AMMECR1: variants seen among roughly 807,000 people sequenced by gnomAD.
The protein encoded by AMMECR1 is nuclear protein AMMECR1.
In AMMECR1, 3 loss-of-function variants were observed where a neutral mutation model predicts 22.5. That is an observed-to-expected ratio of 0.13 (90% CI 0.06 to 0.35). AMMECR1 has a LOEUF of 0.35. AMMECR1 is among the 10% of genes least tolerant of loss of function. The pLI, the probability that AMMECR1 is intolerant of heterozygous loss-of-function variation, is 1.00. For synonymous variants in AMMECR1, 130 were observed against 116.7 expected, an observed-to-expected ratio of 1.11 and a Z score of -0.74; for missense variants, 235 against 278.7, an observed-to-expected ratio of 0.84 and a Z score of 1.12.
intron 2 of AMMECR1, among the ~76,000 whole-genome samples, chrX:110,331,117 CTT>C (rs2068119220): frequency 9.2e-6 from 1 of 108,958 alleles, no homozygotes; most frequent in Non-Finnish European, 1.9e-5. Flanking sequence ...CTGATTGTTG[CTT>C]TCTTTCTCAT....
chrX:110,210,433 T>C (rs919335558), intron 3 of AMMECR1, among the ~76,000 whole-genome samples: 8 of 111,291 alleles, frequency 7.2e-5, no homozygotes, highest in South Asian at 3.8e-4. Flanking sequence ...TATATCATAG[T>C]TGGGAAAAAC....
At chrX:110,439,379 C>T (rs1211068750) in intron 1 of AMMECR1, among the ~76,000 whole-genome samples, 7 of 112,239 alleles carry the variant, frequency 6.2e-5, no homozygotes, top group Non-Finnish European at 3.8e-5. Context: ...TTTCTAACTG[C>T]GTTGAGAATT....
intron 2 of AMMECR1, among the ~76,000 whole-genome samples, chrX:110,408,575 C>G (rs1450141060): frequency 8.9e-6 from 1 of 112,232 alleles, no homozygotes; most frequent in Non-Finnish European, 1.9e-5. Context: ...TGCCCCGACC[C>G]CACAGTTTTA....
At chrX:110,370,048 C>T (rs1052661391) in intron 2 of AMMECR1, among the ~76,000 whole-genome samples, 1 of 111,056 alleles carries the variant, frequency 9.0e-6, no homozygotes, top group Admixed American at 9.6e-5. Flanking sequence ...AATCTGCCTT[C>T]CTGAAACACC....
At chrX:110,437,362 C>T (rs2068846461) in intron 1 of AMMECR1, among the ~76,000 whole-genome samples, 1 of 112,262 alleles carries the variant, frequency 8.9e-6, no homozygotes, top group Non-Finnish European at 1.9e-5. Context: ...CTGTACTGGG[C>T]TGTACATGCA....
chrX:110,405,092 C>T (rs771737327), intron 2 of AMMECR1, among the ~76,000 whole-genome samples: 3 of 90,644 alleles, frequency 3.3e-5, no homozygotes, highest in African/African-American at 1.4e-4. Context: ...GTTGTGTCCC[C>T]CCCCCCCCCA....
chrX:110,296,825 T>C (rs943398043), intron 1 of AMMECR1, among the ~76,000 whole-genome samples: 2 of 110,866 alleles, frequency 1.8e-5, no homozygotes, highest in African/African-American at 6.5e-5. Context: ...AGGTTTACAA[T>C]AACAGATTTA....
intron 2 of AMMECR1, among the ~76,000 whole-genome samples, chrX:110,371,862 C>T (rs920236785): frequency 2.7e-5 from 3 of 111,277 alleles, no homozygotes; most frequent in Non-Finnish European, 5.7e-5. Flanking sequence ...GGGTGCTTCA[C>T]CATCCTTTTT....
chrX:110,267,306 T>C (rs978981131), intron 1 of AMMECR1, among the ~76,000 whole-genome samples: 3 of 110,927 alleles, frequency 2.7e-5, no homozygotes, highest in Non-Finnish European at 5.7e-5. Context: ...CTCCCAACAA[T>C]GTAAAAGCGT....
chrX:110,412,466 G>T (rs1448938513), intron 2 of AMMECR1, among the ~76,000 whole-genome samples: 1 of 112,173 alleles, frequency 8.9e-6, no homozygotes, highest in Non-Finnish European at 1.9e-5. Context: ...AGACTGCCTA[G>T]GTTTGACTTC....
chrX:110,354,473 A>G (rs2068222824), intron 2 of AMMECR1, among the ~76,000 whole-genome samples: 1 of 112,387 alleles, frequency 8.9e-6, no homozygotes, highest in Admixed American at 9.5e-5. Context: ...AGTAGGCACG[A>G]GGATGTGCAT....
intron 2 of AMMECR1, among the ~76,000 whole-genome samples, chrX:110,424,107 A>G (rs911949607): frequency 9.0e-6 from 1 of 111,557 alleles, no homozygotes; most frequent in Non-Finnish European, 1.9e-5. Context: ...TAATTTTACA[A>G]TGAAGAGACT....
intron 2 of AMMECR1, among the ~76,000 whole-genome samples, chrX:110,418,090 T>G (rs951618819): frequency 5.3e-5 from 6 of 112,420 alleles, no homozygotes; most frequent in African/African-American, 1.9e-4. Flanking sequence ...AGAAGGGATA[T>G]TCTGAGCAAA....
intron 1 of AMMECR1, among the ~76,000 whole-genome samples, chrX:110,300,822 C>T (rs2067962508): frequency 8.9e-6 from 1 of 112,022 alleles, no homozygotes. Flanking sequence ...CACCACATAG[C>T]TATAGTTTCC....
chrX:110,266,110 GTT>G (rs752019966), intron 1 of AMMECR1, among the ~76,000 whole-genome samples: 16 of 92,620 alleles, frequency 1.7e-4, no homozygotes, highest in African/African-American at 3.1e-4. Context: ...GTAAAAGCCA[GTT>G]TTTTTTTTTT....
intron 3 of AMMECR1, among the ~76,000 whole-genome samples, chrX:110,213,446 TTTA>T (rs2067457236): frequency 8.9e-6 from 1 of 112,627 alleles, no homozygotes; most frequent in Non-Finnish European, 1.9e-5. Context: ...TTCACTTCTT[TTTA>T]TGGCTGAGTA....
At chrX:110,243,007 T>A (rs2067641287) in intron 2 of AMMECR1, among the ~76,000 whole-genome samples, 1 of 112,238 alleles carries the variant, frequency 8.9e-6, no homozygotes, top group South Asian at 3.6e-4. Flanking sequence ...CCTGTCATTT[T>A]CACTGAATTT....
intron 2 of AMMECR1, among the ~76,000 whole-genome samples, chrX:110,343,243 A>G (rs774444847): frequency 1.8e-5 from 2 of 112,071 alleles, no homozygotes; most frequent in East Asian, 5.6e-4. Flanking sequence ...GACAAAAACC[A>G]CATGATTATC....
chrX:110,365,420 A>C (rs747591580), intron 2 of AMMECR1, among the ~76,000 whole-genome samples: 1 of 112,408 alleles, frequency 8.9e-6, no homozygotes, highest in East Asian at 2.8e-4. Context: ...ACCTTATTGC[A>C]TTCTTGTAGC....
Sources: allele counts gnomAD v4.1 joint callset (sites outside exome capture counted in the v4.1 genomes callset), GRCh38; gene constraint gnomAD v4.1.1; transcripts MANE v1.5; gene names NCBI Gene and HGNC (gene_info 2026-07-23, HGNC 2026-07-21).